The following PAK5 variants were observed in gnomAD, a reference collection of about 807,000 sequenced individuals.
PAK5 encodes the protein p21 (RAC1) activated kinase 5.
PAK5 carries 16 observed loss-of-function variants against 65.9 expected under a neutral mutation model. That is an observed-to-expected ratio of 0.24 (90% CI 0.16 to 0.37). The LOEUF (loss-of-function observed/expected upper bound fraction) is 0.37, where lower values mean the gene tolerates loss of function less well. Among genes scored for constraint, PAK5 ranks in the 10% least tolerant of loss-of-function variants. The pLI, the probability that PAK5 is intolerant of heterozygous loss-of-function variation, is 1.00. For synonymous variants in PAK5, 371 were observed against 354.9 expected (o/e 1.05, Z -0.51); for missense variants, 785 against 903.9 (o/e 0.87, Z 1.69).
chr20:9,763,047 C>T (rs978218197), intron 1 of PAK5, among the ~76,000 whole-genome samples: 9 of 151,910 alleles, frequency 5.9e-5, no homozygotes, highest in Non-Finnish European at 8.8e-5. Context: ...CTCACCTATA[C>T]GTGAAATCTA....
At chr20:9,755,035 A>G (rs2048618016) in intron 1 of PAK5, among the ~76,000 whole-genome samples, 1 of 152,228 alleles carries the variant, frequency 6.6e-6, no homozygotes, top group African/African-American at 2.4e-5. Flanking sequence ...TGATGTGTTA[A>G]CGAAGATGTT....
Position 9,557,680 on chromosome 20 carries a change from G to GGA in PAK5, c.1669_1670dup (p.Tyr558ProfsTer8). 6.2e-7 allele frequency: 1 copy of GGA among 1,611,180 alleles called. No individual in the cohort carries two copies. Among genetic ancestry groups the GGA allele is most frequent in the Non-Finnish European group, 8.5e-7 (1 of 1,177,498 alleles). ...GAATCACTCCTTGGTTATGAAGGTA[G>GGA]GAGAGAGCTCTCAGAACTGACAGGC... On this transcript the variant is annotated frameshift_variant, in exon 7 of 10. Transcript: ENST00000353224. LOFTEE classifies it high-confidence loss of function.
At chr20:9,769,470 G>T (rs1169108891) in intron 1 of PAK5, among the ~76,000 whole-genome samples, 2 of 152,200 alleles carry the variant, frequency 1.3e-5, no homozygotes, top group African/African-American at 4.8e-5. Flanking sequence ...TGCAAAAATT[G>T]CCATAGGGCG....
At chr20:9,756,165 T>C (rs982842063) in intron 1 of PAK5, among the ~76,000 whole-genome samples, 6 of 152,200 alleles carry the variant, frequency 3.9e-5, no homozygotes, top group East Asian at 1.9e-4. Flanking sequence ...GCAATGCATT[T>C]GTGAAGACAT....
intron 2 of PAK5, among the ~76,000 whole-genome samples, chr20:9,657,363 T>A (rs1207790855): frequency 6.6e-6 from 1 of 152,172 alleles, no homozygotes; most frequent in Non-Finnish European, 1.5e-5. Context: ...TTTCATGGTA[T>A]GCATGTACCA....
At chr20:9,581,000 C>T in intron 3 of PAK5, 70 bp from the exon 4 acceptor site, 1 of 1,114,804 alleles carries the variant, frequency 9.0e-7, no homozygotes, top group Non-Finnish European at 1.3e-6. Flanking sequence ...TGGCATCCCA[C>T]CCCCACTCCA....
chr20:9,782,979 G>T (rs1009473827), intron 1 of PAK5, among the ~76,000 whole-genome samples: 6 of 150,564 alleles, frequency 4.0e-5, no homozygotes, highest in Non-Finnish European at 8.8e-5. Flanking sequence ...GCCCAGGCTG[G>T]AGTGTAATGG....
chr20:9,712,246 T>C (rs565971621), intron 1 of PAK5, among the ~76,000 whole-genome samples: 9 of 152,278 alleles, frequency 5.9e-5, no homozygotes, highest in East Asian at 3.9e-4. Flanking sequence ...ATCAACTATA[T>C]ACATATTGGC....
chr20:9,748,437 A>C (rs1474237912), intron 1 of PAK5, among the ~76,000 whole-genome samples: 2 of 152,130 alleles, frequency 1.3e-5, no homozygotes, highest in Non-Finnish European at 2.9e-5. Flanking sequence ...ACTTCAAACT[A>C]TACTACAAGG....
At chr20:9,792,288 T>C (rs2049058031) in intron 1 of PAK5, among the ~76,000 whole-genome samples, 1 of 152,094 alleles carries the variant, frequency 6.6e-6, no homozygotes, top group Non-Finnish European at 1.5e-5. Flanking sequence ...AAGCAGAAAG[T>C]CATACAATCT....
chr20:9,814,131 T>A (rs2049329248), intron 1 of PAK5, among the ~76,000 whole-genome samples: 1 of 151,710 alleles, frequency 6.6e-6, no homozygotes, highest in African/African-American at 2.4e-5. Context: ...TTCAACAGGA[T>A]GGCCAGGCAG....
chr20:9,764,700 T>C (rs2048737154), intron 1 of PAK5, among the ~76,000 whole-genome samples: 1 of 152,200 alleles, frequency 6.6e-6, no homozygotes, highest in Non-Finnish European at 1.5e-5. Context: ...ATTGATCTTG[T>C]TATTGCTTAA....
chr20:9,708,715 C>T (rs1465331777), intron 2 of PAK5, among the ~76,000 whole-genome samples: 11 of 152,054 alleles, frequency 7.2e-5, no homozygotes, highest in Non-Finnish European at 1.5e-4. Context: ...ATGTATGGCA[C>T]GTTACAAATA....
intron 3 of PAK5, among the ~76,000 whole-genome samples, chr20:9,600,223 C>T (rs950986904): frequency 6.6e-6 from 1 of 152,140 alleles, no homozygotes; most frequent in African/African-American, 2.4e-5. Context: ...CGTTCTTATA[C>T]CATTATAATA....
intron 1 of PAK5, among the ~76,000 whole-genome samples, chr20:9,741,703 T>C (rs1197487165): frequency 2.0e-5 from 3 of 152,270 alleles, no homozygotes; most frequent in Admixed American, 6.5e-5. Flanking sequence ...TCAGAAAATG[T>C]TAGGCTCTAT....
intron 1 of PAK5, among the ~76,000 whole-genome samples, chr20:9,738,282 G>A (rs534997416): frequency 6.6e-6 from 1 of 152,218 alleles, no homozygotes; most frequent in East Asian, 1.9e-4. Flanking sequence ...TTAAACATAT[G>A]CCTACTATAT....
intron 1 of PAK5, among the ~76,000 whole-genome samples, chr20:9,744,403 C>T (rs1047097773): frequency 1.3e-5 from 2 of 152,126 alleles, no homozygotes; most frequent in African/African-American, 4.8e-5. Context: ...GCAAAACTGG[C>T]TTGTGCTCCT....
At chr20:9,780,070 T>G (rs187476400) in intron 1 of PAK5, among the ~76,000 whole-genome samples, 1 of 152,246 alleles carries the variant, frequency 6.6e-6, no homozygotes, top group Admixed American at 6.5e-5. Flanking sequence ...ACACATTTTC[T>G]GCATGCTTTG....
At chr20:9,834,451 A>G (rs1978988906) in intron 1 of PAK5, among the ~76,000 whole-genome samples, 1 of 152,218 alleles carries the variant, frequency 6.6e-6, no homozygotes, top group South Asian at 2.1e-4. Context: ...GTCGCCTTAT[A>G]AAGAGCAATT....
Sources: allele counts gnomAD v4.1 joint callset (sites outside exome capture counted in the v4.1 genomes callset), GRCh38; gene constraint gnomAD v4.1.1; transcripts MANE v1.5; gene names NCBI Gene and HGNC (gene_info 2026-07-23, HGNC 2026-07-21).